Variants in WWP2 observed in about 807,000 individuals in gnomAD.
WWP2 encodes WW domain containing E3 ubiquitin protein ligase 2.
Under a neutral mutation model 121.0 loss-of-function variants are expected in WWP2, and 57 were observed. That is an observed-to-expected ratio of 0.47 (90% CI 0.38 to 0.59). The LOEUF (loss-of-function observed/expected upper bound fraction) is 0.59. Ranked by LOEUF, WWP2 falls within the 20% of genes least tolerant of loss-of-function variation. WWP2 has a pLI of 0.00. For synonymous variants in WWP2, 449 were observed against 441.3 expected (o/e 1.02, Z -0.22); for missense variants, 962 against 1,158.9 (o/e 0.83, Z 2.47).
Position 69,908,841 on chromosome 16 carries a change from T to G in WWP2, c.995T>G (p.Leu332Arg). ...AAGACCACCACCTGGGAGCGGCCCC[T>G]TCCTCCAGGGTAGGTCATCAACTGA... ...NTKTTTWERP[L>R]PPGWEKRTDP... The change falls in exon 9 of 24, where the codon CTT becomes CGT. Residue 332 changes from leucine (L) to arginine (R), a missense_variant. Coordinates refer to ENST00000359154, the MANE Select transcript of WWP2 (RefSeq NM_001270454.2). The G allele has an allele frequency of 1.2e-6, 2 of 1,614,178 alleles. No homozygotes were observed. Among genetic ancestry groups the G allele is most frequent in the Non-Finnish European group, 8.5e-7 (1 of 1,180,020 alleles).
chr16:69,896,568 T>C (rs982315523), intron 8 of WWP2, among the ~76,000 whole-genome samples: 1 of 152,132 alleles, frequency 6.6e-6, no homozygotes, highest in Admixed American at 6.6e-5. Context: ...TCAGTGGCCC[T>C]TAAAATTTTT....
intron 6 of WWP2, among the ~76,000 whole-genome samples, chr16:69,850,669 G>A (rs2057191688): frequency 6.6e-6 from 1 of 152,182 alleles, no homozygotes; most frequent in South Asian, 2.1e-4. Flanking sequence ...TGAAGGCAAG[G>A]AGGAGTAAGA....
At chr16:69,779,011 G>A (rs1433268194) in intron 1 of WWP2, among the ~76,000 whole-genome samples, 1 of 150,538 alleles carries the variant, frequency 6.6e-6, no homozygotes, top group South Asian at 2.1e-4. Context: ...GTGCAATGGT[G>A]CAATCTTGGC....
rs774344920 is a variant in WWP2 at position 69,787,116 on chromosome 16, C to T, written c.70+36C>T. On this transcript the variant is annotated intron_variant, in intron 2 of 23. Coordinates refer to ENST00000359154, the MANE Select transcript of WWP2 (RefSeq NM_001270454.2). ...CTGTATAATGTCTTCATCTTGTCTA[C>T]GCCCAGGGAAGAGGGAGAATCTAAC... The T allele has an allele frequency of 3.4e-5, 53 of 1,572,236 alleles. 1 individual carries two copies. In the South Asian group the frequency reaches 5.2e-4, roughly 15 times the overall value.
Position 69,837,051 on chromosome 16 carries a change from G to A in WWP2, c.341-3075G>A, listed in dbSNP as rs572723364. On this transcript the variant is annotated intron_variant, in intron 4 of 23. Coordinates refer to ENST00000359154, the MANE Select transcript of WWP2 (RefSeq NM_001270454.2). ...TGATTCTCCCACCTCTGCCTCCTCA[G>A]TATCTGGGACTACAGTTGCCTACTA... Among the ~76,000 whole-genome samples the A allele has an allele frequency of 2.0e-5, 3 of 152,206 alleles. No individual in the cohort carries two copies. The East Asian group carries it at 5.8e-4, about 29-fold the overall frequency.
In WWP2 at chr16:69,936,441, A is replaced by G. The variant is rs1422867068; in HGVS notation, c.2106A>G (p.Glu702=). 1 of 1,614,044 alleles carries G rather than the reference A, an allele frequency of 6.2e-7. No individual in the cohort carries two copies. Among genetic ancestry groups the G allele is most frequent in the South Asian group, 1.1e-5 (1 of 91,078 alleles). The change falls in exon 19 of 24, where the codon GAA becomes GAG. Residue 702 remains glutamate (E), a synonymous_variant. Coordinates refer to ENST00000359154, the MANE Select transcript of WWP2 (RefSeq NM_001270454.2). The part of the protein sequence containing the change: ...ESIRVTEENK[E]EYIMLLTDWR... Reference sequence around the variant, plus strand: ...TCCGGGTCACAGAGGAGAACAAGGAAGAGTACATCATGTGAGTCTCAGGCG... The same window carrying G: ...TCCGGGTCACAGAGGAGAACAAGGAGGAGTACATCATGTGAGTCTCAGGCG...
intron 8 of WWP2, among the ~76,000 whole-genome samples, chr16:69,894,442 G>A (rs754701403): frequency 4.6e-5 from 7 of 152,196 alleles, no homozygotes; most frequent in Non-Finnish European, 5.9e-5. Flanking sequence ...ACACACGTCT[G>A]CACGTTTTAA....
intron 6 of WWP2, among the ~76,000 whole-genome samples, chr16:69,849,447 A>C (rs2057157506): frequency 6.6e-6 from 1 of 151,916 alleles, no homozygotes; most frequent in African/African-American, 2.4e-5. Context: ...GTTGCTGGGG[A>C]AGACAATGGA....
At chr16:69,908,929 T>C in intron 9 of WWP2, 79 bp downstream of exon 9, 1 of 1,606,990 alleles carries the variant, frequency 6.2e-7, no homozygotes, top group Non-Finnish European at 8.5e-7. Flanking sequence ...AACGGTCCCT[T>C]TCTGCGGAGG....
intron 6 of WWP2, among the ~76,000 whole-genome samples, chr16:69,861,730 C>T (rs1215208041): frequency 6.7e-6 from 1 of 150,140 alleles, no homozygotes; most frequent in Non-Finnish European, 1.5e-5. Context: ...TTTATTGGCG[C>T]TTCTCTGGGT....
chr16:69,827,290 A>C (rs1297957754), intron 4 of WWP2, among the ~76,000 whole-genome samples: 1 of 152,044 alleles, frequency 6.6e-6, no homozygotes, highest in African/African-American at 2.4e-5. Flanking sequence ...ACTTATTTTT[A>C]CATGATTTTA....
At chr16:69,853,187 ACT>A (rs1183973539) in intron 6 of WWP2, among the ~76,000 whole-genome samples, 1 of 152,146 alleles carries the variant, frequency 6.6e-6, no homozygotes, top group Non-Finnish European at 1.5e-5. Context: ...AACAGAAAAC[ACT>A]CTAGGTATTT....
intron 4 of WWP2, chr16:69,838,988 T>G (rs2056925873): frequency 5.5e-6 from 1 of 183,342 alleles, no homozygotes; most frequent in African/African-American, 2.7e-5. Flanking sequence ...TTTAGAGCAG[T>G]CTTTTTTGGG....
rs2058497332 is a variant in WWP2 at position 69,917,735 on chromosome 16, G to T, written c.1031G>T (p.Gly344Val). 1 of 1,605,322 alleles carries T rather than the reference G, an allele frequency of 6.2e-7. No homozygotes were observed. The highest frequency in any genetic ancestry group is 8.5e-7 in the Non-Finnish European group (1 of 1,172,558). ...TGGGAAAAACGCACAGATCCCCGAG[G>T]CAGGTTTTACTATGTGGATCACAAT... is the stretch of plus-strand genomic sequence containing the variant. ...PGWEKRTDPRGRFYYVDHNTR... is the reference protein window; with the variant it reads ...PGWEKRTDPRVRFYYVDHNTR... Residue 344 changes from glycine to valine, a missense_variant, in exon 10 of 24, where the codon GGC (glycine) becomes GTC (valine). Gly to Val is a moderately radical substitution (Grantham distance 109, BLOSUM62 -3). Around this residue, in one of 3 missense-constraint regions of WWP2, gnomAD observed 606 missense variants for 772.6 expected, o/e 0.78. Transcript: ENST00000359154.
chr16:69,780,333 A>AT (rs372944650), intron 1 of WWP2, among the ~76,000 whole-genome samples: 131 of 151,960 alleles, frequency 8.6e-4, no homozygotes, highest in African/African-American at 2.9e-3. Flanking sequence ...TTCAGGTACT[A>AT]TATAGCATTC....
intron 2 of WWP2, among the ~76,000 whole-genome samples, chr16:69,796,594 T>C (rs2056052248): frequency 6.6e-6 from 1 of 152,244 alleles, no homozygotes; most frequent in Non-Finnish European, 1.5e-5. Flanking sequence ...TGAATGCATA[T>C]CGCTTTCGCA....
At chr16:69,909,354 A>G in intron 9 of WWP2, 1 of 986,544 alleles carries the variant, frequency 1.0e-6, no homozygotes, top group Non-Finnish European at 1.2e-6. Flanking sequence ...ATCACCTCCC[A>G]GTAAAGTAGC....
chr16:69,841,448 G>A (rs1259254293), intron 5 of WWP2, among the ~76,000 whole-genome samples: 1 of 152,142 alleles, frequency 6.6e-6, no homozygotes, highest in Non-Finnish European at 1.5e-5. Context: ...AACAGAGGCA[G>A]TCAGCGTGGT....
At chr16:69,930,782 G>A (rs1032869381) in intron 13 of WWP2, among the ~76,000 whole-genome samples, 1 of 152,194 alleles carries the variant, frequency 6.6e-6, no homozygotes, top group African/African-American at 2.4e-5. Flanking sequence ...TAAAGCGGGA[G>A]GATCGCTTAA....
Sources: gnomAD v4.1 joint callset for allele counts (sites outside exome capture counted in the v4.1 genomes callset) on GRCh38, gnomAD v4.1.1 for gene constraint, gnomAD v4.1.1 regional missense constraint, MANE v1.5 for transcripts, NCBI Gene and HGNC (gene_info 2026-07-23, HGNC 2026-07-21) for gene names.